The following INSL6 variants were observed in gnomAD, a reference collection of about 807,000 sequenced individuals.
INSL6 encodes insulin like 6.
INSL6 carries 16 observed loss-of-function variants against 9.4 expected under a neutral mutation model. The observed-to-expected ratio is 1.70, with a 90% CI of 1.15 to 2.59. The LOEUF (loss-of-function observed/expected upper bound fraction) is 2.59, where lower values mean the gene tolerates loss of function less well. INSL6 is among the 30% of genes most tolerant of loss of function. The pLI, the probability that INSL6 is intolerant of heterozygous loss-of-function variation, is 0.00. For synonymous variants in INSL6, 154 were observed against 96.9 expected, an observed-to-expected ratio of 1.59 and a Z score of -3.46; for missense variants, 391 against 257.3, an observed-to-expected ratio of 1.52 and a Z score of -3.56.
the INSL6 span, chr9:5,080,721 C>T: frequency 6.9e-7 from 1 of 1,443,264 alleles, no homozygotes; most frequent in Non-Finnish European, 9.3e-7. Context: ...TTCCAGCTTT[C>T]TATCTTTATT....
At chr9:5,159,384 G>C (rs1048860810), downstream of INSL6, among the ~76,000 whole-genome samples, 3 of 150,002 alleles carry the variant, frequency 2.0e-5, no homozygotes, top group Non-Finnish European at 4.4e-5. Context: ...AAAAAGGATC[G>C]AACAACCTCT....
the INSL6 span, among the ~76,000 whole-genome samples, chr9:5,024,925 C>T: frequency 6.6e-6 from 1 of 152,168 alleles, no homozygotes; most frequent in South Asian, 2.1e-4. Context: ...CACCAATTGC[C>T]ATCTTCAAGA....
chr9:5,019,177 GA>G, the INSL6 span, among the ~76,000 whole-genome samples: 1 of 152,006 alleles, frequency 6.6e-6, no homozygotes, highest in Admixed American at 6.5e-5. Context: ...TTGTCTTCTA[GA>G]ATACTGAAAA....
At chr9:5,082,677 G>A in the INSL6 span, among the ~76,000 whole-genome samples, 5 of 152,228 alleles carry the variant, frequency 3.3e-5, no homozygotes, top group African/African-American at 4.8e-5. Flanking sequence ...GACATTACCC[G>A]GCTTTCCAGG....
intron 2 of INSL6, among the ~76,000 whole-genome samples, chr9:5,154,307 T>G (rs1004608162): frequency 2.0e-5 from 3 of 152,210 alleles, no homozygotes; most frequent in African/African-American, 7.2e-5. Context: ...CCTTACACCT[T>G]ATACAAAAAT....
chr9:5,134,627 G>C (rs112742454), intron 2 of INSL6, among the ~76,000 whole-genome samples: 1 of 152,076 alleles, frequency 6.6e-6, no homozygotes, highest in Non-Finnish European at 1.5e-5. Context: ...CCCTCACGAA[G>C]AAGCAAATGC....
At chr9:5,179,338 T>C (rs2130920528) in intron 1 of INSL6, among the ~76,000 whole-genome samples, 1 of 152,248 alleles carries the variant, frequency 6.6e-6, no homozygotes. Flanking sequence ...GAATGGCTAT[T>C]ATTAAAGCTA....
chr9:5,176,034 G>A (rs2130916870), intron 1 of INSL6, among the ~76,000 whole-genome samples: 1 of 152,214 alleles, frequency 6.6e-6, no homozygotes, highest in South Asian at 2.1e-4. Flanking sequence ...AAAGGTTGGG[G>A]ATTACTGGCC....
the INSL6 span, among the ~76,000 whole-genome samples, chr9:5,035,445 T>G: frequency 2.0e-5 from 3 of 152,252 alleles, no homozygotes; most frequent in South Asian, 6.2e-4. Flanking sequence ...GAGAATTTTA[T>G]ACCAATATCC....
chr9:5,084,866 T>C, the INSL6 span: 9 of 391,334 alleles, frequency 2.3e-5, no homozygotes, highest in South Asian at 1.9e-4. Flanking sequence ...ATAAAACAAA[T>C]TGCCCATCAA....
intron 3 of INSL6, chr9:5,132,224 T>C (rs1406094236): frequency 6.6e-6 from 1 of 152,188 alleles, no homozygotes; most frequent in Non-Finnish European, 1.5e-5. Flanking sequence ...ATTCTAAAAA[T>C]TGAGACTTTA....
the INSL6 span, among the ~76,000 whole-genome samples, chr9:5,011,610 C>T: frequency 6.6e-6 from 1 of 152,086 alleles, no homozygotes; most frequent in East Asian, 1.9e-4. Flanking sequence ...AAAATAAATT[C>T]TAATATTTGG....
chr9:5,090,123 A>T, the INSL6 span, among the ~76,000 whole-genome samples: 1 of 152,194 alleles, frequency 6.6e-6, no homozygotes, highest in African/African-American at 2.4e-5. Flanking sequence ...TTTTGTTTAC[A>T]TTTTCTATAA....
At chr9:5,183,789 GAGAC>G (rs371505705) in intron 1 of INSL6, among the ~76,000 whole-genome samples, 2 of 152,090 alleles carry the variant, frequency 1.3e-5, no homozygotes, top group Admixed American at 6.5e-5. Flanking sequence ...AAAAAAGAGA[GAGAC>G]AGACAGTAAA....
At chr9:5,089,958 G>A in the INSL6 span, 1 of 786,830 alleles carries the variant, frequency 1.3e-6, no homozygotes, top group Non-Finnish European at 1.8e-6. Flanking sequence ...CTGGACTTAT[G>A]CCAATGCCCA....
chr9:5,080,547 T>C, the INSL6 span: 2 of 1,588,066 alleles, frequency 1.3e-6, no homozygotes, highest in Non-Finnish European at 1.7e-6. Flanking sequence ...TACAATTTTA[T>C]GAAGATAGGC....
chr9:5,069,259 G>A, the INSL6 span: 2 of 1,227,896 alleles, frequency 1.6e-6, no homozygotes, highest in African/African-American at 1.5e-5. Context: ...GATTGTTTAT[G>A]TGGCGTGAAG....
downstream of INSL6, among the ~76,000 whole-genome samples, chr9:5,161,426 C>T (rs1290952893): frequency 6.6e-6 from 1 of 152,142 alleles, no homozygotes; most frequent in Non-Finnish European, 1.5e-5. Flanking sequence ...AAGGAACATA[C>T]CTCAACATAA....
the INSL6 span, among the ~76,000 whole-genome samples, chr9:5,054,037 GT>G: frequency 1.3e-5 from 2 of 152,130 alleles, no homozygotes; most frequent in South Asian, 4.1e-4. This position sits in a 1 kb window ranked among gnomAD's most constrained non-coding sequence, Gnocchi z 4.9. Flanking sequence ...AAATGGAATT[GT>G]TTTGATCACA....
Sources: gnomAD v4.1 joint callset for allele counts (sites outside exome capture counted in the v4.1 genomes callset) on GRCh38, gnomAD v4.1.1 for gene constraint, Gnocchi (gnomAD v3.1) non-coding constraint, MANE v1.5 for transcripts, NCBI Gene and HGNC (gene_info 2026-07-23, HGNC 2026-07-21) for gene names.